CWC27: variants seen among roughly 807,000 people sequenced by gnomAD.
CWC27 encodes spliceosome-associated protein CWC27 homolog.
Under a neutral mutation model 63.6 loss-of-function variants are expected in CWC27, and 47 were observed. The ratio of observed to expected loss-of-function variants is 0.74; its 90% CI spans 0.58 to 0.94. The LOEUF is 0.94. Among genes scored for constraint, CWC27 ranks in the 40% least tolerant of loss-of-function variants. The pLI, the probability that CWC27 is intolerant of heterozygous loss-of-function variation, is 0.00. For synonymous variants in CWC27, 175 were observed against 179.8 expected, an observed-to-expected ratio of 0.97 and a Z score of 0.22; for missense variants, 495 against 554.3, an observed-to-expected ratio of 0.89 and a Z score of 1.07.
rs776503579 is a variant in CWC27 at position 64,804,372 on chromosome 5, A to G, written c.924A>G (p.Lys308=). ...CTGGAGAAGGAGAAGTGGAGAAGAAATCAGTCAGCCGCAGGTGAGTCAGTT... is the reference window on the plus strand; with the variant it reads ...CTGGAGAAGGAGAAGTGGAGAAGAAGTCAGTCAGCCGCAGGTGAGTCAGTT... ...KSAGEGEVEK[K]SVSRSEELRK... is the part of the protein sequence containing the mutation. Residue 308 remains lysine (K), a synonymous_variant, in exon 10 of 14, where the codon AAA becomes AAG. Transcript: ENST00000381070. 1 of 1,610,884 alleles carries G rather than the reference A, an allele frequency of 6.2e-7. No homozygotes were observed. Among genetic ancestry groups the G allele is most frequent in the Non-Finnish European group, 8.5e-7 (1 of 1,178,774 alleles).
At chr5:64,856,160 G>C (rs139819878) in intron 10 of CWC27, among the ~76,000 whole-genome samples, 1 of 151,994 alleles carries the variant, frequency 6.6e-6, no homozygotes, top group Admixed American at 6.6e-5. Context: ...AAAGCAAATA[G>C]ATGTCTTTTC....
chr5:65,010,237 C>T (rs139314887), intron 13 of CWC27, among the ~76,000 whole-genome samples: 52 of 152,148 alleles, frequency 3.4e-4, no homozygotes, highest in African/African-American at 1.1e-3. Context: ...GGGAAGGAGG[C>T]GGAAGGGCGT....
intron 10 of CWC27, among the ~76,000 whole-genome samples, chr5:64,831,455 CA>C (rs36170865): frequency 6.7e-6 from 1 of 148,770 alleles, no homozygotes; most frequent in Non-Finnish European, 1.5e-5. Flanking sequence ...TTGAGGACTC[CA>C]AAAAGCTTTT....
chr5:64,942,249 A>T (rs148940280), intron 11 of CWC27, among the ~76,000 whole-genome samples: 2,479 of 151,410 alleles, frequency 0.016, 36 homozygotes, highest in Non-Finnish European at 0.023. Context: ...ACATAGTAAG[A>T]CCCCCGTCTC....
intron 13 of CWC27, among the ~76,000 whole-genome samples, chr5:65,013,644 T>C (rs1749999319): frequency 6.6e-6 from 1 of 152,176 alleles, no homozygotes; most frequent in African/African-American, 2.4e-5. Context: ...TAGTTTCTGA[T>C]CAAAAGAATG....
rs759880526 is a variant in CWC27, at chr5:64,804,273, T to A, written c.825T>A (p.Gly275=). 2.5e-6 allele frequency: 4 copies of A among 1,612,970 alleles called. No homozygotes were observed. Among genetic ancestry groups the A allele is most frequent in the Non-Finnish European group, 1.7e-6 (2 of 1,179,520 alleles). ...CAGAGCATGATGAATATATTGATGG[T>A]GATGAAAAGAACCTGATGAGAGAAA... ...ESAEHDEYID[G]DEKNLMRERI... Residue 275 remains glycine, a synonymous_variant, in exon 10 of 14, where the codon GGT becomes GGA. Transcript: ENST00000381070.
At chr5:64,986,365 G>C (rs1364509515) in intron 13 of CWC27, among the ~76,000 whole-genome samples, 1 of 152,122 alleles carries the variant, frequency 6.6e-6, no homozygotes, top group Non-Finnish European at 1.5e-5. Context: ...AACCAGCTTT[G>C]TGTACCTGGG....
chr5:64,889,160 C>G (rs1747159492), intron 11 of CWC27, among the ~76,000 whole-genome samples: 1 of 151,862 alleles, frequency 6.6e-6, no homozygotes, highest in African/African-American at 2.4e-5. Flanking sequence ...TCAAAAGAGA[C>G]TAAGGAGACA....
chr5:64,823,054 T>A (rs1745251690), intron 10 of CWC27, among the ~76,000 whole-genome samples: 1 of 152,210 alleles, frequency 6.6e-6, no homozygotes, highest in Non-Finnish European at 1.5e-5. Flanking sequence ...CAGCATTGTT[T>A]GCTAGAAATG....
Position 65,018,355 on chromosome 5 carries a change from A to G in CWC27, c.*34A>G. On this transcript the variant is annotated 3_prime_UTR_variant, in exon 14 of 14. Transcript: ENST00000381070. Reference sequence around the variant, plus strand: ...TAATGATAACCAGAACTTGCTGGAAATGTGCCTACAATGGCCTTGTAACAG... The same window carrying G: ...TAATGATAACCAGAACTTGCTGGAAGTGTGCCTACAATGGCCTTGTAACAG... 1 of 1,552,712 alleles carries G rather than the reference A, an allele frequency of 6.4e-7. No homozygotes were observed. The highest frequency in any genetic ancestry group is 2.3e-4 in the Middle Eastern group (1 of 4,398).
intron 10 of CWC27, among the ~76,000 whole-genome samples, chr5:64,861,813 G>T (rs968626283): frequency 7.9e-5 from 12 of 152,186 alleles, no homozygotes; most frequent in Middle Eastern, 3.4e-3. Flanking sequence ...TGTAATAGTT[G>T]CATTGCTATA....
At chr5:64,847,911 AT>A (rs1429075185) in intron 10 of CWC27, among the ~76,000 whole-genome samples, 1 of 151,962 alleles carries the variant, frequency 6.6e-6, no homozygotes. Context: ...CAAAAAAAAA[AT>A]ATCAAAAAAG....
chr5:64,993,040 G>A (rs891043224), intron 13 of CWC27, among the ~76,000 whole-genome samples: 3 of 152,138 alleles, frequency 2.0e-5, no homozygotes, highest in African/African-American at 7.2e-5. Flanking sequence ...AGTGACCTAA[G>A]CAAGCAGCCT....
chr5:64,870,312 C>A (rs1332872675), intron 10 of CWC27, among the ~76,000 whole-genome samples: 1 of 151,944 alleles, frequency 6.6e-6, no homozygotes, highest in African/African-American at 2.4e-5. Context: ...TTGAAATACA[C>A]CCTGTGGTAA....
chr5:64,989,211 T>C (rs1749491366), intron 13 of CWC27, among the ~76,000 whole-genome samples: 1 of 152,226 alleles, frequency 6.6e-6, no homozygotes, highest in African/African-American at 2.4e-5. Context: ...TTATCAATAC[T>C]ACCATTTTTC....
intron 13 of CWC27, 71 bp from the exon 14 acceptor site, chr5:65,018,088 T>TTAA (rs781054289): frequency 1.2e-5 from 16 of 1,285,128 alleles, no homozygotes; most frequent in Non-Finnish European, 1.6e-5. Flanking sequence ...ATGTCGATGA[T>TTAA]AGTAGAGTAT....
At chr5:64,978,167 G>A (rs1749264987) in intron 13 of CWC27, among the ~76,000 whole-genome samples, 1 of 152,174 alleles carries the variant, frequency 6.6e-6, no homozygotes, top group Admixed American at 6.5e-5. Flanking sequence ...GTGGAGGAAG[G>A]AGGGCTGGAA....
At chr5:64,830,829 C>T (rs1388714731) in intron 10 of CWC27, among the ~76,000 whole-genome samples, 2 of 151,992 alleles carry the variant, frequency 1.3e-5, no homozygotes, top group Non-Finnish European at 2.9e-5. Context: ...TGAACTCATC[C>T]TTTTTTATGG....
intron 10 of CWC27, among the ~76,000 whole-genome samples, chr5:64,824,728 C>CTTTTTT (rs768576527): frequency 3.0e-4 from 28 of 91,974 alleles, no homozygotes; most frequent in East Asian, 7.4e-4. Context: ...TTTCTTTTCT[C>CTTTTTT]TTTTTTTTTT....
Sources: allele counts gnomAD v4.1 joint callset (sites outside exome capture counted in the v4.1 genomes callset), GRCh38; gene constraint gnomAD v4.1.1; transcripts MANE v1.5; gene names NCBI Gene and HGNC (gene_info 2026-07-23, HGNC 2026-07-21).